CTIF: variants seen among roughly 807,000 people sequenced by gnomAD.
The protein encoded by CTIF is CBP80/20-dependent translation initiation factor.
Under a neutral mutation model 66.0 loss-of-function variants are expected in CTIF, and 21 were observed. That is an observed-to-expected ratio of 0.32 (90% CI 0.23 to 0.46). The LOEUF (loss-of-function observed/expected upper bound fraction) is 0.46. Ranked by LOEUF, CTIF falls within the 20% of genes least tolerant of loss-of-function variation. The pLI is 1.00. For missense variants in CTIF, 739 were observed against 812.7 expected, an observed-to-expected ratio of 0.91 and a Z score of 1.10; for synonymous variants, 345 against 326.4, an observed-to-expected ratio of 1.06 and a Z score of -0.62.
chr18:48,724,625 C>T (rs1475894024), intron 7 of CTIF, among the ~76,000 whole-genome samples: 1 of 152,228 alleles, frequency 6.6e-6, no homozygotes, highest in Non-Finnish European at 1.5e-5. Context: ...ACCTTCCCTA[C>T]AGCTGCTGGG....
chr18:48,759,850 G>A (rs1015615981), intron 8 of CTIF, among the ~76,000 whole-genome samples: 1 of 152,164 alleles, frequency 6.6e-6, no homozygotes, highest in Non-Finnish European at 1.5e-5. Context: ...TCAGTTTCAA[G>A]GACTCCACTC....
intron 7 of CTIF, among the ~76,000 whole-genome samples, chr18:48,728,739 T>TGAGAGAGAGAGGGGGAGAGTGAGAGAGA (rs1555680978): frequency 5.0e-5 from 7 of 139,124 alleles, no homozygotes; most frequent in African/African-American, 1.8e-4. Flanking sequence ...AGGGGGAGAG[T>TGAGAGAGAGAGGGGGAGAGTGAGAGAGA]GAGAGAGAGA....
intron 6 of CTIF, among the ~76,000 whole-genome samples, chr18:48,707,615 T>TCC (rs2092174483): frequency 1.3e-5 from 2 of 150,666 alleles, no homozygotes; most frequent in Non-Finnish European, 2.9e-5. Context: ...CTCCTCCTCC[T>TCC]TCTCCTCTTC....
At chr18:48,690,243 A>C (rs8091279) in intron 6 of CTIF, among the ~76,000 whole-genome samples, 2,387 of 151,852 alleles carry the variant, frequency 0.016, 60 homozygotes, top group African/African-American at 0.054. Flanking sequence ...CCTTCCATCC[A>C]CTATGGCTTC....
Position 48,859,332 on chromosome 18 carries a change from C to A in CTIF, c.1582-12C>A, listed in dbSNP as rs1216572058. The A allele has an allele frequency of 6.2e-7, 1 of 1,613,176 alleles. No individual in the cohort carries two copies. The highest frequency in any genetic ancestry group is 1.1e-5 in the South Asian group (1 of 91,066). On this transcript the variant is annotated splice_polypyrimidine_tract_variant and intron_variant, in intron 11 of 11. Coordinates refer to ENST00000256413, the MANE Select transcript of CTIF (RefSeq NM_014772.3). ...ACCCGAGGCCATCCTAACCCCACAT[C>A]TCTGTCTGCAGCTGCAGAGTACAGG... is the stretch of plus-strand genomic sequence containing the variant.
rs575821820 is a variant in CTIF, at chr18:48,738,416, T to A, written c.585-19503T>A. On this transcript the variant is annotated intron_variant, in intron 7 of 11. Transcript: ENST00000256413. ...CAATGGTCTGCAAGGCCCCAGATGA[T>A]CTAGCTCTCACCACCTCTCTGACCT... 3.9e-5 allele frequency among the ~76,000 whole-genome samples: 6 copies of A among 152,288 alleles called. No individual in the cohort carries two copies. The South Asian group carries it at 1.0e-3, about 26-fold the overall frequency.
At chr18:48,800,657 G>A (rs912294373) in intron 9 of CTIF, among the ~76,000 whole-genome samples, 6 of 152,208 alleles carry the variant, frequency 3.9e-5, no homozygotes, top group African/African-American at 7.2e-5. Context: ...AGGCATCTGC[G>A]GAGGTGCTCC....
intron 11 of CTIF, 68 bp downstream of exon 11, chr18:48,857,709 G>A (rs563125479): frequency 1.4e-6 from 2 of 1,429,636 alleles, no homozygotes; most frequent in Admixed American, 4.3e-5. Flanking sequence ...AACAGTTCTA[G>A]GGGCACGAGG....
At chr18:48,832,934 T>TG (rs1333206535) in intron 10 of CTIF, among the ~76,000 whole-genome samples, 4 of 152,186 alleles carry the variant, frequency 2.6e-5, no homozygotes, top group African/African-American at 7.2e-5. Context: ...GTGCTGAGTC[T>TG]GGGGGGCGGA....
chr18:48,601,275 C>A (rs539209089), intron 1 of CTIF, among the ~76,000 whole-genome samples: 4 of 152,220 alleles, frequency 2.6e-5, no homozygotes, highest in African/African-American at 4.8e-5. Flanking sequence ...TGTTTTCCCC[C>A]ACCTTGATCT....
At chr18:48,652,813 G>C (rs1439370923) in intron 3 of CTIF, among the ~76,000 whole-genome samples, 1 of 152,172 alleles carries the variant, frequency 6.6e-6, no homozygotes, top group African/African-American at 2.4e-5. Flanking sequence ...GGGATGCAAG[G>C]CTGGTTCAAC....
intron 1 of CTIF, among the ~76,000 whole-genome samples, chr18:48,552,860 A>C (rs1293199700): frequency 1.3e-5 from 2 of 152,172 alleles, no homozygotes; most frequent in African/African-American, 2.4e-5. Context: ...CACTGGTCTT[A>C]GATTGGCCAC....
chr18:48,857,537 A>C, intron 10 of CTIF, 51 bp from the exon 11 acceptor site: 2 of 1,540,932 alleles, frequency 1.3e-6, no homozygotes, highest in Non-Finnish European at 1.8e-6. Context: ...TACAGGGCCC[A>C]GTAGCCGGCA....
At chr18:48,639,432 C>A (rs1207631630) in intron 3 of CTIF, among the ~76,000 whole-genome samples, 1 of 152,076 alleles carries the variant, frequency 6.6e-6, no homozygotes, top group Non-Finnish European at 1.5e-5. Flanking sequence ...TGAGATGGGG[C>A]CCAGGGGGCA....
rs915436721 is a variant in CTIF at position 48,862,050 on chromosome 18, CTA to C, written c.*2493_*2494del. 1 of 150,940 alleles carries C rather than the reference CTA, an allele frequency of 6.6e-6. No individual in the cohort carries two copies. Among genetic ancestry groups the C allele is most frequent in the African/African-American group, 2.5e-5 (1 of 40,500 alleles). 9.4% of individuals were successfully genotyped at this position (150,940 alleles called of 1,614,324 possible). A position where few individuals can be genotyped will look rare whatever the true frequency, so the allele number is the denominator to read the frequency against. On this transcript the variant is annotated 3_prime_UTR_variant, in exon 12 of 12. Transcript: ENST00000256413. ...CAGATATGGAAGGAAAACGTTAAGACTATTTTTTTTTTAAAGAAACAACAGTC... is the reference window on the plus strand; with the variant it reads ...CAGATATGGAAGGAAAACGTTAAGACTTTTTTTTTTAAAGAAACAACAGTC...
At chr18:48,609,981 C>G (rs1205620957) in intron 1 of CTIF, among the ~76,000 whole-genome samples, 1 of 152,076 alleles carries the variant, frequency 6.6e-6, no homozygotes, top group Non-Finnish European at 1.5e-5. Context: ...TGGAGGAAAG[C>G]CCGGGCCCAT....
At chr18:48,785,752 T>G (rs1301585762) in intron 9 of CTIF, among the ~76,000 whole-genome samples, 1 of 152,186 alleles carries the variant, frequency 6.6e-6, no homozygotes, top group African/African-American at 2.4e-5. Context: ...TTTACCAAAT[T>G]TCTATGGGGT....
chr18:48,725,492 A>G (rs544705704), intron 7 of CTIF, among the ~76,000 whole-genome samples: 14 of 151,890 alleles, frequency 9.2e-5, no homozygotes, highest in Non-Finnish European at 1.5e-4. Flanking sequence ...TCCTTACTCT[A>G]CAAGCAGTCA....
intron 9 of CTIF, among the ~76,000 whole-genome samples, chr18:48,767,070 ACCAAGGTTC>A (rs1437562854): frequency 6.6e-6 from 1 of 151,998 alleles, no homozygotes; most frequent in Non-Finnish European, 1.5e-5. Flanking sequence ...ACACCTTCCC[ACCAAGGTTC>A]CCAACTTCTC....
Sources: gnomAD v4.1 joint callset for allele counts (sites outside exome capture counted in the v4.1 genomes callset) on GRCh38, gnomAD v4.1.1 for gene constraint, MANE v1.5 for transcripts, NCBI Gene and HGNC (gene_info 2026-07-23, HGNC 2026-07-21) for gene names.